Variants in IGSF21 observed in about 807,000 individuals in gnomAD.
IGSF21 encodes the protein immunoglobin superfamily member 21.
A neutral mutation model predicts 46.8 loss-of-function variants in IGSF21; 28 were observed. That is an observed-to-expected ratio of 0.60 (90% CI 0.44 to 0.82). The LOEUF (loss-of-function observed/expected upper bound fraction) is 0.82. Among genes scored for constraint, IGSF21 ranks in the 40% least tolerant of loss-of-function variants. IGSF21 has a pLI of 0.00. For synonymous variants in IGSF21, 284 were observed against 273.6 expected, an observed-to-expected ratio of 1.04 and a Z score of -0.38; for missense variants, 624 against 665.5, an observed-to-expected ratio of 0.94 and a Z score of 0.69.
chr1:18,376,775 A>C (rs1569906442), intron 7 of IGSF21, 25 bp from the exon 8 acceptor site: 1 of 1,557,588 alleles, frequency 6.4e-7, no homozygotes, highest in South Asian at 1.2e-5. Context: ...CCTGTGACCC[A>C]CCTCTCCCCT....
At chr1:18,111,559 C>T (rs573295487) in intron 1 of IGSF21, 2 of 152,320 alleles carry the variant, frequency 1.3e-5, no homozygotes, top group East Asian at 3.9e-4. Context: ...TCGAGCGCTC[C>T]TTCCACACAA....
intron 3 of IGSF21, among the ~76,000 whole-genome samples, chr1:18,330,382 C>A (rs568694616): frequency 6.6e-6 from 1 of 152,142 alleles, no homozygotes; most frequent in Admixed American, 6.6e-5. Context: ...GGGTGTACAG[C>A]GATCTCTGTT....
chr1:18,270,076 A>G (rs1015546441), intron 2 of IGSF21, among the ~76,000 whole-genome samples: 6 of 152,172 alleles, frequency 3.9e-5, no homozygotes, highest in African/African-American at 9.6e-5. Context: ...AGGCAGAGCC[A>G]GGTGGCATCT....
intron 1 of IGSF21, among the ~76,000 whole-genome samples, chr1:18,161,286 G>T (rs545231477): frequency 2.6e-5 from 4 of 152,262 alleles, no homozygotes; most frequent in South Asian, 2.1e-4. Context: ...TATAGAGCAG[G>T]TGCTTCTCTA....
intron 2 of IGSF21, among the ~76,000 whole-genome samples, chr1:18,281,557 C>T (rs191502231): frequency 4.1e-4 from 58 of 140,762 alleles, no homozygotes; most frequent in African/African-American, 1.6e-3. Context: ...CAGAGTGAGA[C>T]TCTGTCTCAA....
intron 2 of IGSF21, 60 bp from the exon 3 acceptor site, chr1:18,291,806 A>G: frequency 5.0e-6 from 8 of 1,594,178 alleles, no homozygotes; most frequent in Non-Finnish European, 6.0e-6. Flanking sequence ...TGTCCTGGGG[A>G]AAGGGGTGAC....
chr1:18,187,675 T>C (rs192064065), intron 1 of IGSF21, among the ~76,000 whole-genome samples: 5 of 152,154 alleles, frequency 3.3e-5, no homozygotes, highest in Admixed American at 2.6e-4. Context: ...AGCCAAACCA[T>C]ATCAGGCACC....
chr1:18,275,807 G>A (rs967923729), intron 2 of IGSF21, among the ~76,000 whole-genome samples: 2 of 152,038 alleles, frequency 1.3e-5, no homozygotes, highest in Non-Finnish European at 2.9e-5. Flanking sequence ...TCCCAGTGGG[G>A]CCCCTGGGTC....
Position 18,350,122 on chromosome 1 carries a change from C to T in IGSF21, c.425-11993C>T, listed in dbSNP as rs142723367. Among the ~76,000 whole-genome samples, 996 of 152,206 alleles carry T rather than the reference C, an allele frequency of 6.5e-3. 7 individuals are homozygous for T. The highest frequency in any genetic ancestry group is 0.022 in the African/African-American group (924 of 41,524). On this transcript the variant is annotated intron_variant, in intron 4 of 9. Coordinates refer to ENST00000251296, the MANE Select transcript of IGSF21 (RefSeq NM_032880.5). ...CTCCTCCAGGCTGTCATGGTCCCTG[C>T]TCACCCACTGTCCACTTGGCTTGGC...
At chr1:18,195,546 G>A (rs80012500) in intron 1 of IGSF21, among the ~76,000 whole-genome samples, 1,701 of 152,182 alleles carry the variant, frequency 0.011, 29 homozygotes, top group African/African-American at 0.038. Context: ...CCCCGGCTCT[G>A]TGTGAATGTG....
At chr1:18,130,877 G>C (rs774157616) in intron 1 of IGSF21, among the ~76,000 whole-genome samples, 3 of 152,346 alleles carry the variant, frequency 2.0e-5, no homozygotes, top group Middle Eastern at 6.8e-3. Flanking sequence ...GGCTGTCCCT[G>C]TTGGCCCCCC....
chr1:18,283,730 C>T (rs2085185601), intron 2 of IGSF21, among the ~76,000 whole-genome samples: 1 of 152,068 alleles, frequency 6.6e-6, no homozygotes, highest in Admixed American at 6.5e-5. Flanking sequence ...GCCCCCCTGC[C>T]CGAAACTAAA....
intron 1 of IGSF21, among the ~76,000 whole-genome samples, chr1:18,200,936 T>C (rs2087067150): frequency 6.6e-6 from 1 of 152,202 alleles, no homozygotes; most frequent in Non-Finnish European, 1.5e-5. Flanking sequence ...TGCTGCGCTA[T>C]CCTGTTCTGT....
intron 1 of IGSF21, among the ~76,000 whole-genome samples, chr1:18,128,895 T>A (rs749710883): frequency 2.3e-4 from 35 of 152,198 alleles, no homozygotes; most frequent in Non-Finnish European, 4.7e-4. Flanking sequence ...AACCCCAGGA[T>A]ACCTCTGGAC....
chr1:18,233,050 C>A (rs1219777450), intron 2 of IGSF21, among the ~76,000 whole-genome samples: 4 of 152,248 alleles, frequency 2.6e-5, no homozygotes, highest in African/African-American at 9.6e-5. Flanking sequence ...CTCCATTAAA[C>A]AGCCACAGAG....
At chr1:18,146,349 G>C (rs938928554) in intron 1 of IGSF21, among the ~76,000 whole-genome samples, 29 of 152,158 alleles carry the variant, frequency 1.9e-4, no homozygotes, top group African/African-American at 6.5e-4. Context: ...GGGGATGGGT[G>C]GGGTGCAGTA....
rs1196043279 is a variant in IGSF21 at position 18,365,670 on chromosome 1, A to T, written c.988A>T (p.Met330Leu). The T allele has an allele frequency of 6.2e-7, 1 of 1,613,668 alleles. No individual in the cohort carries two copies. Among genetic ancestry groups the T allele is most frequent in the South Asian group, 1.1e-5 (1 of 91,026 alleles). ...CGAGGTCAAGCACCCAGCTCTGTCG[A>T]TGCCCATGCAGGCAGAGGTCACGCT... ...SCEVKHPALSMPMQAEVTLVA... is the reference protein window; with the variant it reads ...SCEVKHPALSLPMQAEVTLVA... Residue 330 changes from methionine to leucine, a missense_variant, in exon 6 of 10, where the codon ATG (methionine) becomes TTG (leucine). Coordinates refer to ENST00000251296, the MANE Select transcript of IGSF21 (RefSeq NM_032880.5). This position sits in a 1 kb window ranked among gnomAD's most constrained non-coding sequence, Gnocchi z 4.8.
chr1:18,142,772 C>G (rs1347089198), intron 1 of IGSF21, among the ~76,000 whole-genome samples: 1 of 152,218 alleles, frequency 6.6e-6, no homozygotes, highest in Non-Finnish European at 1.5e-5. Flanking sequence ...TGGGTCAGTT[C>G]AGGCCTCTGC....
At chr1:18,154,762 G>A (rs540836863) in intron 1 of IGSF21, among the ~76,000 whole-genome samples, 180 of 151,638 alleles carry the variant, frequency 1.2e-3, no homozygotes, top group African/African-American at 4.1e-3. Flanking sequence ...AACCAAATTC[G>A]TCCTCTCCTT....
Sources: allele counts gnomAD v4.1 joint callset (sites outside exome capture counted in the v4.1 genomes callset), GRCh38; gene constraint gnomAD v4.1.1; non-coding constraint Gnocchi (gnomAD v3.1); transcripts MANE v1.5; gene names NCBI Gene and HGNC (gene_info 2026-07-23, HGNC 2026-07-21).